NRXN3: variants seen among roughly 807,000 people sequenced by gnomAD.
NRXN3 encodes the protein neurexin 3.
In NRXN3, 32 loss-of-function variants were observed where a neutral mutation model predicts 137.6. The ratio of observed to expected loss-of-function variants is 0.23; its 90% CI spans 0.18 to 0.31. The LOEUF is 0.31. Among genes scored for constraint, NRXN3 ranks in the 10% least tolerant of loss-of-function variants. The probability of loss-of-function intolerance (pLI) is 1.00; values close to 1 mark genes in which losing one functional copy is unlikely to be tolerated. For missense variants in NRXN3, 1,574 were observed against 2,062.5 expected (o/e 0.76, Z 4.59); for synonymous variants, 798 against 784.5 (o/e 1.02, Z -0.29).
chr14:78,907,418 A>G (rs575035722), intron 10 of NRXN3, among the ~76,000 whole-genome samples: 324 of 152,168 alleles, frequency 2.1e-3, no homozygotes, highest in African/African-American at 7.4e-3. Flanking sequence ...ATTAAGTATC[A>G]TGTGAGCTTT....
At chr14:78,739,476 T>A (rs1257206741) in intron 8 of NRXN3, among the ~76,000 whole-genome samples, 1 of 152,124 alleles carries the variant, frequency 6.6e-6, no homozygotes, top group African/African-American at 2.4e-5. Flanking sequence ...ACTCTTTATA[T>A]CTTGTTTTAT....
intron 2 of NRXN3, among the ~76,000 whole-genome samples, chr14:78,262,313 A>G (rs567372405): frequency 1.3e-5 from 2 of 152,288 alleles, no homozygotes; most frequent in South Asian, 2.1e-4. Context: ...GAGAGAAGCC[A>G]TCAGTGTGAT....
intron 6 of NRXN3, among the ~76,000 whole-genome samples, chr14:78,680,931 A>C (rs1304098539): frequency 6.6e-6 from 1 of 152,194 alleles, no homozygotes; most frequent in Non-Finnish European, 1.5e-5. Context: ...CACACACTTT[A>C]TTTAATTTCT....
chr14:78,471,178 A>G (rs917874042), intron 4 of NRXN3, among the ~76,000 whole-genome samples: 1 of 152,134 alleles, frequency 6.6e-6, no homozygotes, highest in Non-Finnish European at 1.5e-5. Context: ...ATAAAAATCA[A>G]CAAGCTTATT....
chr14:78,655,418 A>G (rs1414575915), intron 6 of NRXN3, among the ~76,000 whole-genome samples: 2 of 152,182 alleles, frequency 1.3e-5, no homozygotes, highest in African/African-American at 4.8e-5. Flanking sequence ...CATATTAGCA[A>G]ATCATTGTCA....
intron 4 of NRXN3, among the ~76,000 whole-genome samples, chr14:78,425,388 A>T (rs2153681873): frequency 6.6e-6 from 1 of 152,316 alleles, no homozygotes; most frequent in East Asian, 1.9e-4. Flanking sequence ...TCTTGGTGGC[A>T]GTATTTCCCA....
chr14:78,364,686 C>T (rs1391753214), intron 4 of NRXN3, among the ~76,000 whole-genome samples: 5 of 152,058 alleles, frequency 3.3e-5, no homozygotes, highest in Non-Finnish European at 7.4e-5. Flanking sequence ...TTTAGTTGTG[C>T]CTAGGTAAAT....
intron 4 of NRXN3, among the ~76,000 whole-genome samples, chr14:78,375,368 G>A (rs1009417943): frequency 3.9e-5 from 6 of 152,114 alleles, no homozygotes; most frequent in Non-Finnish European, 7.4e-5. Flanking sequence ...GAGAGCCATC[G>A]TCTCACCTTT....
chr14:78,846,866 A>G (rs1483627097), intron 10 of NRXN3, among the ~76,000 whole-genome samples: 2 of 151,920 alleles, frequency 1.3e-5, no homozygotes, highest in Middle Eastern at 3.4e-3. Flanking sequence ...TACTTTTTCA[A>G]TTTTATCTCA....
At chr14:78,896,860 G>A (rs1022720454) in intron 10 of NRXN3, among the ~76,000 whole-genome samples, 1 of 151,922 alleles carries the variant, frequency 6.6e-6, no homozygotes, top group Non-Finnish European at 1.5e-5. Context: ...GGAAATGGTA[G>A]AACATAGTTA....
chr14:78,287,981 T>TC lies in NRXN3; in HGVS notation c.727+9324dup, dbSNP rs1210356124. On this transcript the variant is annotated intron_variant, in intron 3 of 20. Transcript: ENST00000335750. ...GTTCATTATAGAGTGGTCTCAGGAC[T>TC]CCCCCTTTTTTTTTTTGAGATGGAG... Among the ~76,000 whole-genome samples, 10 of 151,702 alleles carry TC rather than the reference T, an allele frequency of 6.6e-5. No individual in the cohort carries two copies. In the East Asian group the frequency reaches 1.7e-3, roughly 26 times the overall value.
At chr14:78,881,997 C>T (rs1032287028) in intron 10 of NRXN3, among the ~76,000 whole-genome samples, 1 of 151,678 alleles carries the variant, frequency 6.6e-6, no homozygotes, top group African/African-American at 2.4e-5. Context: ...CTGCTCCAGC[C>T]ATGGCTAAAA....
chr14:79,207,240 C>T lies in NRXN3; in HGVS notation c.3262+219099C>T, dbSNP rs573224454. On this transcript the variant is annotated intron_variant, in intron 15 of 20. Transcript: ENST00000335750. ...GCTTCACCTGGGATTTTTTAATAAA[C>T]GCAAATTCCTGAATACTAAATTCGG... Among the ~76,000 whole-genome samples, 4 of 152,228 alleles carry T rather than the reference C, an allele frequency of 2.6e-5. No individual in the cohort carries two copies. The South Asian group carries it at 6.2e-4, about 24-fold the overall frequency.
chr14:78,456,851 TTC>T (rs1167839493), intron 4 of NRXN3, among the ~76,000 whole-genome samples: 24 of 133,948 alleles, frequency 1.8e-4, no homozygotes, highest in African/African-American at 4.8e-4. Flanking sequence ...CTTTCTTTCT[TTC>T]TTTTTCTCTT....
intron 2 of NRXN3, among the ~76,000 whole-genome samples, chr14:78,274,374 C>A (rs1452456106): frequency 2.0e-5 from 3 of 152,104 alleles, no homozygotes; most frequent in Middle Eastern, 3.2e-3. Context: ...AAGTGCTGAG[C>A]AAAAGGGGGA....
At position 79,662,214 on chromosome 14, in the gene NRXN3, A is replaced by G. The variant is rs376816777; in HGVS notation, c.3445-1564A>G. ...TCACAGAATGGAAAGGACTAATACAACTACTAAATTTTATTATCCTTGAAT... is the reference window on the plus strand; with the variant it reads ...TCACAGAATGGAAAGGACTAATACAGCTACTAAATTTTATTATCCTTGAAT... On this transcript the variant is annotated intron_variant, in intron 16 of 20. Coordinates refer to ENST00000335750, the MANE Select transcript of NRXN3 (RefSeq NM_001330195.2). Among the ~76,000 whole-genome samples, 120 of 152,190 alleles carry G rather than the reference A, an allele frequency of 7.9e-4. No individual in the cohort carries two copies. The South Asian group carries it at 0.023, about 30-fold the overall frequency.
At chr14:78,529,989 A>G (rs1261067829) in intron 4 of NRXN3, among the ~76,000 whole-genome samples, 1 of 152,240 alleles carries the variant, frequency 6.6e-6, no homozygotes, top group African/African-American at 2.4e-5. Flanking sequence ...TGTTGAATTA[A>G]TAAATATTTA....
intron 16 of NRXN3, among the ~76,000 whole-genome samples, chr14:79,609,190 G>C (rs528028047): frequency 6.6e-6 from 1 of 152,316 alleles, no homozygotes; most frequent in Admixed American, 6.5e-5. Context: ...AAATTCAAAA[G>C]AGTGACCAGT....
At chr14:78,613,292 A>C (rs756435100) in intron 4 of NRXN3, among the ~76,000 whole-genome samples, 4 of 152,330 alleles carry the variant, frequency 2.6e-5, no homozygotes, top group Admixed American at 6.5e-5. Context: ...AAAAAGTAAA[A>C]GTGACTGGTT....
Sources: gnomAD v4.1 joint callset for allele counts (sites outside exome capture counted in the v4.1 genomes callset) on GRCh38, gnomAD v4.1.1 for gene constraint, MANE v1.5 for transcripts, NCBI Gene and HGNC (gene_info 2026-07-23, HGNC 2026-07-21) for gene names.